Variants in SCN8A observed in about 807,000 individuals in gnomAD.
SCN8A encodes sodium channel protein type 8 subunit alpha.
A neutral mutation model predicts 184.1 loss-of-function variants in SCN8A; 30 were observed. The observed-to-expected ratio is 0.16, with a 90% CI of 0.12 to 0.22. SCN8A has a LOEUF of 0.22. Ranked by LOEUF, SCN8A falls within the 10% of genes least tolerant of loss-of-function variation. The pLI is 1.00. For synonymous variants in SCN8A, 852 were observed against 907.0 expected (o/e 0.94, Z 1.09); for missense variants, 1,057 against 2,498.9 (o/e 0.42, Z 12.30).
intron 12 of SCN8A, among the ~76,000 whole-genome samples, chr12:51,727,002 G>A (rs536005532): frequency 2.6e-5 from 4 of 152,286 alleles, no homozygotes; most frequent in South Asian, 4.1e-4. Flanking sequence ...GCTAATAAAC[G>A]TCCAGTTATG....
At chr12:51,673,543 C>T (rs564442514) in intron 2 of SCN8A, among the ~76,000 whole-genome samples, 20 of 152,086 alleles carry the variant, frequency 1.3e-4, no homozygotes, top group African/African-American at 4.3e-4. Context: ...GAAAAGTGAC[C>T]GTATAGCTTC....
chr12:51,737,613 T>G (rs1167049125), intron 12 of SCN8A, among the ~76,000 whole-genome samples: 2 of 152,224 alleles, frequency 1.3e-5, no homozygotes, highest in Non-Finnish European at 2.9e-5. Context: ...ACAATGGTAG[T>G]GTCATTTACT....
At position 51,720,295 on chromosome 12, in the gene SCN8A, G is replaced by A. The variant is rs546859974; in HGVS notation, c.1636-1251G>A. Among the ~76,000 whole-genome samples, 56 of 150,400 alleles carry A rather than the reference G, an allele frequency of 3.7e-4. 7 individuals are homozygous for A. Among genetic ancestry groups the A allele is most frequent in the South Asian group, 3.4e-3 (16 of 4,718 alleles). ...GCAGCCATAAAAAGGATGAGTTCAC[G>A]TCCTTTGTAGGGACATGGATGAGGC... On this transcript the variant is annotated intron_variant, in intron 11 of 26. Transcript: ENST00000627620.
chr12:51,723,921 G>A (rs918949186), intron 12 of SCN8A, among the ~76,000 whole-genome samples: 3 of 152,096 alleles, frequency 2.0e-5, no homozygotes, highest in African/African-American at 7.2e-5. Flanking sequence ...AGAAGGTTCA[G>A]AGAATTTGTG....
rs769356208 is a variant in SCN8A at position 51,769,927 on chromosome 12, A to G, written c.3432A>G (p.Glu1144=). 7.5e-6 allele frequency: 12 copies of G among 1,608,708 alleles called. No individual in the cohort carries two copies. The highest frequency in any genetic ancestry group is 1.0e-5 in the Non-Finnish European group (12 of 1,177,712). ...CCATTGATATCAAACCAGAAGTAGA[A>G]GAGGTCCCTGTGGAACAGCCTGAGG... ...GSTIDIKPEV[E]EVPVEQPEEY... Residue 1144 remains glutamate, a synonymous_variant, in exon 18 of 27, where the codon GAA becomes GAG. Coordinates refer to ENST00000627620, the MANE Select transcript of SCN8A (RefSeq NM_001330260.2).
chr12:51,703,896 A>T (rs1186907225), intron 9 of SCN8A, among the ~76,000 whole-genome samples: 1 of 151,610 alleles, frequency 6.6e-6, no homozygotes, highest in Non-Finnish European at 1.5e-5. Context: ...TTTGTGATTG[A>T]TGCTGTTTCT....
intron 26 of SCN8A, among the ~76,000 whole-genome samples, chr12:51,804,550 C>T (rs933613741): frequency 4.1e-5 from 6 of 148,086 alleles, no homozygotes; most frequent in East Asian, 2.0e-4. Flanking sequence ...AGTGCAGTGG[C>T]GTGATCTCAG....
At chr12:51,776,793 A>G (rs914763981) in intron 20 of SCN8A, among the ~76,000 whole-genome samples, 1 of 152,224 alleles carries the variant, frequency 6.6e-6, no homozygotes, top group Non-Finnish European at 1.5e-5. Flanking sequence ...CTAACTTAGC[A>G]CCATCCACTG....
chr12:51,676,759 C>T (rs1427220156), intron 2 of SCN8A, among the ~76,000 whole-genome samples: 2 of 152,132 alleles, frequency 1.3e-5, no homozygotes, highest in Non-Finnish European at 2.9e-5. Flanking sequence ...CTCAAAGGTT[C>T]CCAGCTGCCC....
Position 51,701,203 on chromosome 12 carries a change from G to T in SCN8A, c.988G>T (p.Ala330Ser). ...TTTACTCTGTGGGAACAGTTCTGAT[G>T]CTGGGTAAGTAGCTCACCTAGTTTT... ...EPLLCGNSSDAGQCPEGYQCM... is the reference protein window; with the variant it reads ...EPLLCGNSSDSGQCPEGYQCM... Residue 330 changes from alanine (A) to serine (S), a missense_variant, in exon 8 of 27, where the codon GCT becomes TCT. Ala to Ser is a moderately conservative substitution (Grantham distance 99). Transcript: ENST00000627620. 6.2e-7 allele frequency: 1 copy of T among 1,601,490 alleles called. No homozygotes were observed. The highest frequency in any genetic ancestry group is 8.5e-7 in the Non-Finnish European group (1 of 1,173,794).
At chr12:51,687,249 C>T (rs758547567) in intron 5 of SCN8A, 30 bp downstream of exon 5, 1 of 1,611,524 alleles carries the variant, frequency 6.2e-7, no homozygotes, top group Non-Finnish European at 8.5e-7. Flanking sequence ...TATTGGTGTT[C>T]TGGGTGTGAT....
At chr12:51,598,820 TTG>T (rs1319495706) in intron 1 of SCN8A, among the ~76,000 whole-genome samples, 1 of 151,726 alleles carries the variant, frequency 6.6e-6, no homozygotes, top group African/African-American at 2.4e-5. Context: ...GTTAGTTCCA[TTG>T]TCTTTTAAGG....
rs1006711041 is a variant in SCN8A at position 51,680,785 on chromosome 12, C to T, written c.277-3389C>T. On this transcript the variant is annotated intron_variant, in intron 2 of 26. Transcript: ENST00000627620. The stretch of plus-strand genomic sequence containing the variant: ...GGGAGGCTGAGGCAGGCGGATCATC[C>T]GAAGTCAGGAGTTCAAGACCAGCCT... 5.3e-5 allele frequency among the ~76,000 whole-genome samples: 8 copies of T among 152,076 alleles called. No individual in the cohort carries two copies. In the Middle Eastern group the frequency reaches 0.014, roughly 259 times the overall value.
intron 1 of SCN8A, among the ~76,000 whole-genome samples, chr12:51,646,009 T>TAA (rs11307011): frequency 8.1e-6 from 1 of 123,414 alleles, no homozygotes; most frequent in Non-Finnish European, 1.7e-5. Context: ...AAGATAAAAG[T>TAA]AAAAAAAAAA....
intron 25 of SCN8A, among the ~76,000 whole-genome samples, chr12:51,793,644 C>A (rs1051113802): frequency 6.6e-6 from 1 of 152,100 alleles, no homozygotes; most frequent in Non-Finnish European, 1.5e-5. Flanking sequence ...GTAAGTAGGA[C>A]GACAGCCAGA....
At chr12:51,676,317 A>T (rs1941222367) in intron 2 of SCN8A, among the ~76,000 whole-genome samples, 1 of 152,324 alleles carries the variant, frequency 6.6e-6, no homozygotes, top group Non-Finnish European at 1.5e-5. Flanking sequence ...TGAGGAATTC[A>T]CTAGGCAGAT....
At chr12:51,726,284 T>C (rs1314737676) in intron 12 of SCN8A, among the ~76,000 whole-genome samples, 1 of 152,220 alleles carries the variant, frequency 6.6e-6, no homozygotes, top group Non-Finnish European at 1.5e-5. Flanking sequence ...CCACTAGCAA[T>C]CCAGAAATCA....
intron 1 of SCN8A, among the ~76,000 whole-genome samples, chr12:51,616,990 G>A (rs1026198346): frequency 6.6e-6 from 1 of 150,578 alleles, no homozygotes; most frequent in Non-Finnish European, 1.5e-5. Flanking sequence ...TCAAATTATT[G>A]TTTCCCTATG....
intron 5 of SCN8A, chr12:51,688,726 C>T (rs373264254): frequency 6.7e-7 from 1 of 1,487,090 alleles, no homozygotes; most frequent in Non-Finnish European, 9.4e-7. Flanking sequence ...CCAGTGGTAC[C>T]ATTACAAGTT....
Sources: allele counts gnomAD v4.1 joint callset (sites outside exome capture counted in the v4.1 genomes callset), GRCh38; gene constraint gnomAD v4.1.1; transcripts MANE v1.5; gene names NCBI Gene and HGNC (gene_info 2026-07-23, HGNC 2026-07-21).